The following JAZF1 variants were observed in gnomAD, a reference collection of about 807,000 sequenced individuals.
JAZF1 encodes the protein JAZF zinc finger 1, also known as juxtaposed with another zinc finger protein 1.
In JAZF1, 8 loss-of-function variants were observed where a neutral mutation model predicts 26.4. The ratio of observed to expected loss-of-function variants is 0.30; its 90% CI spans 0.18 to 0.55. JAZF1 has a LOEUF of 0.55. Ranked by LOEUF, JAZF1 falls within the 20% of genes least tolerant of loss-of-function variation. The probability of loss-of-function intolerance (pLI) is 0.94; values close to 1 mark genes in which losing one functional copy is unlikely to be tolerated. For synonymous variants in JAZF1, 126 were observed against 122.3 expected, an observed-to-expected ratio of 1.03 and a Z score of -0.20; for missense variants, 199 against 322.0, an observed-to-expected ratio of 0.62 and a Z score of 2.92.
intron 2 of JAZF1, among the ~76,000 whole-genome samples, chr7:27,976,969 A>C (rs1263917546): frequency 1.3e-5 from 2 of 152,218 alleles, no homozygotes; most frequent in Non-Finnish European, 2.9e-5. Context: ...GAAGGAGGAA[A>C]AAAAAGCATC....
At chr7:27,946,291 A>T (rs1471282318) in intron 2 of JAZF1, among the ~76,000 whole-genome samples, 1 of 152,154 alleles carries the variant, frequency 6.6e-6, no homozygotes. Flanking sequence ...TTAAAAGGGA[A>T]ATTAAATGTT....
intron 2 of JAZF1, among the ~76,000 whole-genome samples, chr7:27,957,270 C>T (rs566575661): frequency 5.9e-5 from 9 of 152,306 alleles, no homozygotes; most frequent in Non-Finnish European, 1.0e-4. Context: ...TATGAGGCCC[C>T]ACTTGGCACT....
rs570502234 is a variant in JAZF1 at position 27,895,200 on chromosome 7, G to A, written c.385+20C>T. 8.5e-6 allele frequency: 13 copies of A among 1,535,256 alleles called. No homozygotes were observed. Among genetic ancestry groups the A allele is most frequent in the Admixed American group, 1.9e-5 (1 of 51,636 alleles). ...TCTCCCCTCTCCTCCTTCTCAAGGC[G>A]GTAGGGCCAGGCCACTCACCTGTCG... On this transcript the variant is annotated intron_variant, in intron 3 of 4. Coordinates refer to ENST00000283928, the MANE Select transcript of JAZF1 (RefSeq NM_175061.4).
Position 27,893,982 on chromosome 7 carries a change from C to T in JAZF1, c.385+1238G>A, listed in dbSNP as rs187345367. Among the ~76,000 whole-genome samples, 8 of 152,366 alleles carry T rather than the reference C, an allele frequency of 5.3e-5. No homozygotes were observed. The East Asian group carries it at 1.5e-3, about 29-fold the overall frequency. ...GACATACTAGGAAGCCCAATTGTTA[C>T]AGATCCAAGCTCCATTCTGTGGTTT... On this transcript the variant is annotated intron_variant, in intron 3 of 4. Transcript: ENST00000283928.
chr7:28,180,350 T>A, intron 1 of JAZF1, 113 bp downstream of exon 1: 2 of 378,118 alleles, frequency 5.3e-6, no homozygotes, highest in South Asian at 2.0e-5. Context: ...GCACGCGCCC[T>A]CCCCGCCCTG....
intron 1 of JAZF1, among the ~76,000 whole-genome samples, chr7:28,041,545 G>A (rs959201580): frequency 1.3e-5 from 2 of 152,048 alleles, no homozygotes; most frequent in South Asian, 4.2e-4. Flanking sequence ...AGATATCACC[G>A]CTTCTTGTGC....
At chr7:28,107,086 A>G (rs1033612446) in intron 1 of JAZF1, among the ~76,000 whole-genome samples, 11 of 152,160 alleles carry the variant, frequency 7.2e-5, no homozygotes, top group African/African-American at 2.7e-4. Flanking sequence ...AGCTTTGATG[A>G]CTCAAGCTGC....
chr7:28,013,753 T>A (rs547684739), intron 1 of JAZF1, among the ~76,000 whole-genome samples: 8 of 152,290 alleles, frequency 5.3e-5, no homozygotes, highest in African/African-American at 1.9e-4. Flanking sequence ...ATCTGATTGC[T>A]GGCCACAGAG....
chr7:27,909,002 T>TATTCATTAATTCATTC (rs1784311337), intron 2 of JAZF1, among the ~76,000 whole-genome samples: 1 of 151,052 alleles, frequency 6.6e-6, no homozygotes, highest in African/African-American at 2.5e-5. Context: ...ACTTGAATAA[T>TATTCATTAATTCATTC]ATTCATTCAT....
At chr7:28,124,497 T>C (rs1220284825) in intron 1 of JAZF1, among the ~76,000 whole-genome samples, 1 of 152,192 alleles carries the variant, frequency 6.6e-6, no homozygotes, top group Non-Finnish European at 1.5e-5. Context: ...TTCTCCCCAG[T>C]GCCGTCCTTT....
intron 1 of JAZF1, among the ~76,000 whole-genome samples, chr7:28,054,835 G>C (rs1482330068): frequency 6.6e-6 from 1 of 152,004 alleles, no homozygotes. Flanking sequence ...GGACCGGAGA[G>C]CTGAAAAGAC....
chr7:28,054,409 C>CTGGGTATATGG (rs570338744), intron 1 of JAZF1, among the ~76,000 whole-genome samples: 1 of 152,116 alleles, frequency 6.6e-6, no homozygotes, highest in Non-Finnish European at 1.5e-5. Flanking sequence ...AGCACTGGAA[C>CTGGGTATATGG]GAAAATGGGT....
At chr7:27,835,845 G>A (rs1014073492) in intron 4 of JAZF1, among the ~76,000 whole-genome samples, 7 of 151,996 alleles carry the variant, frequency 4.6e-5, no homozygotes, top group African/African-American at 1.7e-4. Context: ...AATAATGGCC[G>A]GAAACCTGAA....
intron 2 of JAZF1, among the ~76,000 whole-genome samples, chr7:27,930,033 T>C (rs1030042348): frequency 6.6e-6 from 1 of 151,738 alleles, no homozygotes; most frequent in African/African-American, 2.4e-5. Context: ...TCTTGCTCTG[T>C]CGCCCAGGCT....
Position 27,832,376 on chromosome 7 carries a change from T to G in JAZF1, c.*424A>C, listed in dbSNP as rs1782721213. 5 of 225,800 alleles carry G rather than the reference T, an allele frequency of 2.2e-5. No individual in the cohort carries two copies. In the East Asian group the frequency reaches 3.2e-4, roughly 15 times the overall value. 14.0% of individuals were successfully genotyped at this position (225,800 alleles called of 1,614,324 possible). ...CAGTTTGATAATGAAGGTATTATTT[T>G]GGTTTTGAACATATGTGAGTTGATG... On this transcript the variant is annotated 3_prime_UTR_variant, in exon 5 of 5. Transcript: ENST00000283928.
chr7:28,095,868 C>A (rs1784375224), intron 1 of JAZF1, among the ~76,000 whole-genome samples: 1 of 152,242 alleles, frequency 6.6e-6, no homozygotes, highest in Non-Finnish European at 1.5e-5. Flanking sequence ...TCTGCTGAGG[C>A]CTTGCTTCCT....
At chr7:27,928,926 T>C (rs566529231) in intron 2 of JAZF1, among the ~76,000 whole-genome samples, 1 of 152,226 alleles carries the variant, frequency 6.6e-6, no homozygotes, top group Non-Finnish European at 1.5e-5. Flanking sequence ...TATGTACATA[T>C]GAAAATATGT....
At position 28,039,927 on chromosome 7, in the gene JAZF1, T is replaced by C. The variant is rs143679227; in HGVS notation, c.116-47946A>G. Among the ~76,000 whole-genome samples the C allele has an allele frequency of 2.2e-3, 328 of 152,310 alleles. 1 individual carries two copies. The highest frequency in any genetic ancestry group is 7.7e-3 in the African/African-American group (318 of 41,560). On this transcript the variant is annotated intron_variant, in intron 1 of 4. Coordinates refer to ENST00000283928, the MANE Select transcript of JAZF1 (RefSeq NM_175061.4). ...GCATTAATTTATTCTGAAACATTAA[T>C]TAACTGGAGCTTTTTTGCATTTAAT...
intron 1 of JAZF1, among the ~76,000 whole-genome samples, chr7:28,168,529 T>C (rs935409596): frequency 3.3e-5 from 5 of 152,186 alleles, no homozygotes; most frequent in African/African-American, 1.2e-4. Flanking sequence ...GCTGCCTTTT[T>C]AAGCAAAGCA....
Sources: gnomAD v4.1 joint callset for allele counts (sites outside exome capture counted in the v4.1 genomes callset) on GRCh38, gnomAD v4.1.1 for gene constraint, MANE v1.5 for transcripts, NCBI Gene and HGNC (gene_info 2026-07-23, HGNC 2026-07-21) for gene names.